The following TNKS variants were observed in gnomAD, a reference collection of about 807,000 sequenced individuals.
The protein encoded by TNKS is tankyrase, also known as poly [ADP-ribose] polymerase tankyrase-1.
TNKS carries 72 observed loss-of-function variants against 135.8 expected under a neutral mutation model. The ratio of observed to expected loss-of-function variants is 0.53; its 90% CI spans 0.44 to 0.64. The LOEUF is 0.64. TNKS is among the 30% of genes least tolerant of loss of function. The pLI is 0.00. For missense variants in TNKS, 1,769 were observed against 1,674.0 expected (o/e 1.06, Z -0.99); for synonymous variants, 849 against 649.3 (o/e 1.31, Z -4.68).
At chr8:9,655,046 C>T (rs1563144982) in intron 3 of TNKS, among the ~76,000 whole-genome samples, 1 of 152,190 alleles carries the variant, frequency 6.6e-6, no homozygotes, top group African/African-American at 2.4e-5. Flanking sequence ...TCACTCCCAC[C>T]CTAAAACTGC....
intron 2 of TNKS, among the ~76,000 whole-genome samples, chr8:9,600,724 G>C (rs866723290): frequency 2.3e-4 from 35 of 152,084 alleles, no homozygotes; most frequent in Middle Eastern, 3.2e-3. Flanking sequence ...AAATTAATTT[G>C]TTCCAAGTAT....
intron 3 of TNKS, among the ~76,000 whole-genome samples, chr8:9,649,411 C>T (rs62491543): frequency 0.15 from 22,872 of 152,138 alleles, 2,167 homozygotes; most frequent in East Asian, 0.28. Context: ...ATACACTTCA[C>T]TAGTAGAATA....
chr8:9,763,793 G>C (rs1413490083), intron 22 of TNKS, among the ~76,000 whole-genome samples: 1 of 152,106 alleles, frequency 6.6e-6, no homozygotes, highest in Non-Finnish European at 1.5e-5. Flanking sequence ...CTCCACTGAC[G>C]GCTTATGCAT....
intron 14 of TNKS, 62 bp from the exon 15 acceptor site, chr8:9,733,217 A>G (rs1805529935): frequency 2.9e-5 from 42 of 1,471,978 alleles, no homozygotes; most frequent in Non-Finnish European, 3.7e-5. Context: ...GATTTTTATT[A>G]TAAGAATCAT....
chr8:9,767,839 G>C (rs892733231), intron 25 of TNKS, among the ~76,000 whole-genome samples: 2 of 151,736 alleles, frequency 1.3e-5, no homozygotes, highest in African/African-American at 4.8e-5. Flanking sequence ...GGCGCTTGTA[G>C]TCCAAGCTAC....
chr8:9,772,972 A>G (rs1416994442), intron 26 of TNKS, among the ~76,000 whole-genome samples: 2 of 150,906 alleles, frequency 1.3e-5, no homozygotes, highest in Non-Finnish European at 2.9e-5. Context: ...GGGTGAGGTT[A>G]TGTAGCTGTT....
intron 5 of TNKS, among the ~76,000 whole-genome samples, chr8:9,702,530 G>A (rs918772835): frequency 9.2e-5 from 14 of 152,062 alleles, no homozygotes; most frequent in African/African-American, 3.4e-4. Context: ...AATATTAAAG[G>A]AAGGAAAAAA....
chr8:9,610,474 C>G (rs1442763343), intron 2 of TNKS, among the ~76,000 whole-genome samples: 1 of 151,854 alleles, frequency 6.6e-6, no homozygotes, highest in Admixed American at 6.6e-5. Context: ...TATCGTGTTT[C>G]AGTTTATAAA....
At chr8:9,749,744 A>T (rs1463382850) in intron 18 of TNKS, among the ~76,000 whole-genome samples, 1 of 151,882 alleles carries the variant, frequency 6.6e-6, no homozygotes, top group Non-Finnish European at 1.5e-5. Flanking sequence ...CAGCCTCCCA[A>T]AGTGCTGGGA....
chr8:9,748,011 T>C lies in TNKS; in HGVS notation c.2644-13T>C, dbSNP rs1806323186. On this transcript the variant is annotated splice_polypyrimidine_tract_variant and intron_variant, in intron 17 of 26. Transcript: ENST00000310430. ...TCATTCTTAACTCTTTGTATCCTTT[T>C]CTTTTTTTTCAGCATGTTGACATAG... is the stretch of plus-strand genomic sequence containing the variant. 2 of 1,597,186 alleles carry C rather than the reference T, an allele frequency of 1.3e-6. No individual in the cohort carries two copies. Among genetic ancestry groups the C allele is most frequent in the South Asian group, 2.2e-5 (2 of 89,116 alleles).
At chr8:9,672,671 A>C (rs1352525517) in intron 3 of TNKS, among the ~76,000 whole-genome samples, 9 of 137,074 alleles carry the variant, frequency 6.6e-5, no homozygotes, top group African/African-American at 1.1e-4. Context: ...AAAAAAAAAA[A>C]AAAAACACAT....
chr8:9,657,655 AC>A lies in TNKS; in HGVS notation c.995-22289del, dbSNP rs1801462162. Among the ~76,000 whole-genome samples, 20 of 64,370 alleles carry A rather than the reference AC, an allele frequency of 3.1e-4. No individual in the cohort carries two copies. The South Asian group carries it at 7.4e-3, about 24-fold the overall frequency. 42.2% of individuals were successfully genotyped at this position (64,370 alleles called of 152,430 possible). On this transcript the variant is annotated intron_variant, in intron 3 of 26. Transcript: ENST00000310430. Reference sequence around the variant, plus strand: ...GGCGGCTGGCCGGGTGGGGGGGCTGACCCCCCCATCTCCCTCCCGGACGGGG... The same window carrying A: ...GGCGGCTGGCCGGGTGGGGGGGCTGACCCCCCATCTCCCTCCCGGACGGGG...
chr8:9,578,197 C>G (rs889398334), intron 1 of TNKS, among the ~76,000 whole-genome samples: 1 of 152,172 alleles, frequency 6.6e-6, no homozygotes, highest in African/African-American at 2.4e-5. Flanking sequence ...GAAGTTTGCA[C>G]TCAGGCTTTA....
intron 3 of TNKS, among the ~76,000 whole-genome samples, chr8:9,631,595 A>G (rs1466854264): frequency 2.6e-5 from 4 of 152,226 alleles, no homozygotes; most frequent in African/African-American, 9.6e-5. Flanking sequence ...GCTTTAGAAT[A>G]TAGGGAGATC....
chr8:9,766,080 C>G (rs1807427913), intron 24 of TNKS, among the ~76,000 whole-genome samples, 159 bp from the exon 25 acceptor site: 1 of 152,090 alleles, frequency 6.6e-6, no homozygotes, highest in Non-Finnish European at 1.5e-5. Context: ...TAATTTTGTA[C>G]TAGTACATTA....
intron 2 of TNKS, among the ~76,000 whole-genome samples, chr8:9,601,634 A>G (rs1370767365): frequency 6.6e-6 from 1 of 152,108 alleles, no homozygotes; most frequent in Non-Finnish European, 1.5e-5. Flanking sequence ...CGTTCAATGG[A>G]ATACCTCTAT....
intron 2 of TNKS, among the ~76,000 whole-genome samples, chr8:9,602,581 C>G (rs1284019241): frequency 6.6e-6 from 1 of 152,156 alleles, no homozygotes; most frequent in Non-Finnish European, 1.5e-5. Flanking sequence ...TCCAGAGCAC[C>G]TGGTGGAGCC....
chr8:9,772,279 A>G (rs1807952203), intron 26 of TNKS: 1 of 424,422 alleles, frequency 2.4e-6, no homozygotes, highest in Non-Finnish European at 4.7e-6. Flanking sequence ...AGGAGTAATT[A>G]TATATTGGAG....
intron 12 of TNKS, among the ~76,000 whole-genome samples, chr8:9,723,933 C>A (rs893980042): frequency 1.3e-5 from 2 of 152,174 alleles, no homozygotes; most frequent in Non-Finnish European, 1.5e-5. Flanking sequence ...CTAAATTAAA[C>A]ATTGAAACCC....
Sources: allele counts gnomAD v4.1 joint callset (sites outside exome capture counted in the v4.1 genomes callset), GRCh38; gene constraint gnomAD v4.1.1; transcripts MANE v1.5; gene names NCBI Gene and HGNC (gene_info 2026-07-23, HGNC 2026-07-21).